The following LRRC63 variants were observed in gnomAD, a reference collection of about 807,000 sequenced individuals.
LRRC63 encodes the protein leucine rich repeat containing 63.
A neutral mutation model predicts 49.5 loss-of-function variants in LRRC63; 40 were observed. The observed-to-expected ratio is 0.81, with a 90% CI of 0.63 to 1.05. The LOEUF (loss-of-function observed/expected upper bound fraction) is 1.05, where lower values mean the gene tolerates loss of function less well. Among genes scored for constraint, LRRC63 ranks in the 50% least tolerant of loss-of-function variants. The pLI, the probability that LRRC63 is intolerant of heterozygous loss-of-function variation, is 0.00. For synonymous variants in LRRC63, 191 were observed against 221.1 expected (o/e 0.86, Z 1.21); for missense variants, 636 against 663.1 (o/e 0.96, Z 0.45).
At chr13:46,252,545 A>G (rs2047410259) in intron 7 of LRRC63, among the ~76,000 whole-genome samples, 1 of 152,068 alleles carries the variant, frequency 6.6e-6, no homozygotes, top group South Asian at 2.1e-4. Flanking sequence ...GAAGGCAGAC[A>G]ATTCAATACA....
intron 7 of LRRC63, 64 bp downstream of exon 7, chr13:46,250,555 T>C: frequency 7.5e-7 from 1 of 1,342,014 alleles, no homozygotes. Context: ...AAAGATCAAT[T>C]TCCCCTTTCA....
chr13:46,269,906 C>CATATATATATATATATATATATAT (rs149054055), intron 9 of LRRC63, among the ~76,000 whole-genome samples: 2 of 145,622 alleles, frequency 1.4e-5, no homozygotes, highest in Non-Finnish European at 3.0e-5. Flanking sequence ...ACACTATATA[C>CATATATATATATATATATATATAT]ATATATATAT....
At chr13:46,275,840 G>A (rs915611648) in intron 9 of LRRC63, among the ~76,000 whole-genome samples, 1 of 151,972 alleles carries the variant, frequency 6.6e-6, no homozygotes, top group African/African-American at 2.4e-5. Context: ...TGTTGCTTAT[G>A]CTTTTCAAGT....
chr13:46,234,237 G>C (rs138373532), exon 5 of LRRC63: 8 of 1,550,044 alleles, frequency 5.2e-6, no homozygotes, highest in Non-Finnish European at 7.0e-6. Context: ...CACGTTGTAC[G>C]TGGTGAAGGT....
At chr13:46,270,387 C>T in intron 9 of LRRC63, 1 of 853,650 alleles carries the variant, frequency 1.2e-6, no homozygotes, top group Non-Finnish European at 2.0e-6. Context: ...ATTTACTGCT[C>T]AGATGGCGAA....
chr13:46,243,685 C>T (rs560382274), intron 5 of LRRC63, among the ~76,000 whole-genome samples: 7 of 152,248 alleles, frequency 4.6e-5, no homozygotes, highest in East Asian at 3.9e-4. Flanking sequence ...ACCAAGAGGA[C>T]GGGCTGGTCT....
chr13:46,264,602 A>G (rs1016239619), intron 8 of LRRC63, among the ~76,000 whole-genome samples: 1 of 150,870 alleles, frequency 6.6e-6, no homozygotes, highest in African/African-American at 2.4e-5. Context: ...TGTGTGCTGT[A>G]TTTGAATCTT....
chr13:46,249,222 C>A (rs2047306826), intron 6 of LRRC63, among the ~76,000 whole-genome samples: 2 of 151,158 alleles, frequency 1.3e-5, no homozygotes, highest in African/African-American at 4.9e-5. Context: ...CATGTAAAGC[C>A]ACTAGAAAAA....
At chr13:46,223,953 A>C (rs559642631) in intron 2 of LRRC63, among the ~76,000 whole-genome samples, 2 of 152,302 alleles carry the variant, frequency 1.3e-5, no homozygotes, top group East Asian at 3.9e-4. Context: ...TGGTGACCAG[A>C]TGCTTTTCTC....
At chr13:46,237,595 A>G (rs150398973) in intron 5 of LRRC63, among the ~76,000 whole-genome samples, 49 of 152,284 alleles carry the variant, frequency 3.2e-4, no homozygotes, top group African/African-American at 1.1e-3. Flanking sequence ...AACAATAATG[A>G]TAAGAGCAGA....
At chr13:46,219,565 A>G (rs1302562444) in intron 2 of LRRC63, among the ~76,000 whole-genome samples, 1 of 151,722 alleles carries the variant, frequency 6.6e-6, no homozygotes, top group African/African-American at 2.4e-5. Context: ...AGCTCAGAGG[A>G]GTTTATTATT....
In LRRC63 at chr13:46,249,853, G is replaced by A. The variant is rs1422080068; in HGVS notation, c.1090-502G>A. ...TTCTTTGTTTTTCTTTTTAAAATTT[G>A]TATAAATTTAAGAGGAAGATAATAG... On this transcript the variant is annotated intron_variant, in intron 6 of 9. Transcript: ENST00000595396. The A allele has an allele frequency of 3.3e-5, 5 of 151,880 alleles. No individual in the cohort carries two copies. In the East Asian group the frequency reaches 7.7e-4, roughly 23 times the overall value. 9.4% of individuals were successfully genotyped at this position (151,880 alleles called of 1,614,324 possible).
At chr13:46,215,008 A>G (rs554629572) in intron 2 of LRRC63, among the ~76,000 whole-genome samples, 1 of 152,346 alleles carries the variant, frequency 6.6e-6, no homozygotes, top group East Asian at 1.9e-4. Context: ...TATCCAGTCT[A>G]TCACTGACAG....
At chr13:46,216,933 C>A (rs1430831694) in intron 2 of LRRC63, among the ~76,000 whole-genome samples, 1 of 152,136 alleles carries the variant, frequency 6.6e-6, no homozygotes, top group Non-Finnish European at 1.5e-5. Context: ...TATGTTGAAC[C>A]AGCCTTGCAT....
Position 46,234,806 on chromosome 13 carries a change from A to G in LRRC63, c.990+457A>G, listed in dbSNP as rs2046860606. 2.6e-5 allele frequency among the ~76,000 whole-genome samples: 4 copies of G among 152,162 alleles called. No individual in the cohort carries two copies. In the South Asian group the frequency reaches 6.2e-4, roughly 24 times the overall value. ...TATTATAATCTTTACCCTACAGATA[A>G]GAACACTGAGCCTTAATGAAAGTAA... is the stretch of plus-strand genomic sequence containing the variant. On this transcript the variant is annotated intron_variant, in intron 5 of 9. Coordinates refer to ENST00000595396, the Ensembl canonical transcript of LRRC63.
chr13:46,265,809 C>T (rs1209182297), intron 8 of LRRC63, among the ~76,000 whole-genome samples: 4 of 152,182 alleles, frequency 2.6e-5, no homozygotes, highest in African/African-American at 4.8e-5. Context: ...TGGAGTCTTG[C>T]TCACCTTTTT....
intron 5 of LRRC63, among the ~76,000 whole-genome samples, chr13:46,235,670 C>T (rs1014090282): frequency 4.6e-5 from 7 of 151,908 alleles, no homozygotes; most frequent in African/African-American, 9.7e-5. Context: ...TATTTTTTCA[C>T]GTCAGATGGG....
intron 2 of LRRC63, among the ~76,000 whole-genome samples, chr13:46,226,181 G>T (rs1211986937): frequency 6.6e-6 from 1 of 151,668 alleles, no homozygotes; most frequent in Admixed American, 6.6e-5. Context: ...TAGGAGTATT[G>T]CTATGTTGCC....
intron 4 of LRRC63, 142 bp from the exon 5 acceptor site, chr13:46,234,050 C>A: frequency 1.4e-6 from 1 of 707,856 alleles, no homozygotes; most frequent in Non-Finnish European, 2.2e-6. Context: ...TAGATGAAGG[C>A]TATGGGGAAT....
Sources: allele counts gnomAD v4.1 joint callset (sites outside exome capture counted in the v4.1 genomes callset), GRCh38; gene constraint gnomAD v4.1.1; transcripts MANE v1.5; gene names NCBI Gene and HGNC (gene_info 2026-07-23, HGNC 2026-07-21).